Variants in ANKS1B observed in about 807,000 individuals in gnomAD.
The protein encoded by ANKS1B is ankyrin repeat and sterile alpha motif domain-containing protein 1B.
ANKS1B carries 36 observed loss-of-function variants against 148.3 expected under a neutral mutation model. The ratio of observed to expected loss-of-function variants is 0.24; its 90% CI spans 0.19 to 0.32. The LOEUF (loss-of-function observed/expected upper bound fraction) is 0.32. Ranked by LOEUF, ANKS1B falls within the 10% of genes least tolerant of loss-of-function variation. The pLI, the probability that ANKS1B is intolerant of heterozygous loss-of-function variation, is 1.00. For synonymous variants in ANKS1B, 542 were observed against 560.8 expected (o/e 0.97, Z 0.47); for missense variants, 1,157 against 1,542.6 (o/e 0.75, Z 4.19).
chr12:99,259,904 G>C (rs185676303), intron 12 of ANKS1B, among the ~76,000 whole-genome samples: 26 of 152,306 alleles, frequency 1.7e-4, no homozygotes, highest in Admixed American at 3.9e-4. Flanking sequence ...TCTGTGCTAG[G>C]AGTATTTCCC....
intron 17 of ANKS1B, among the ~76,000 whole-genome samples, chr12:98,940,949 C>T (rs2099835673): frequency 2.0e-5 from 3 of 152,070 alleles, no homozygotes; most frequent in Admixed American, 1.3e-4. Flanking sequence ...GGTATGATTC[C>T]TTTTTCTTTT....
intron 9 of ANKS1B, among the ~76,000 whole-genome samples, chr12:99,565,444 C>T (rs1176274899): frequency 6.6e-6 from 1 of 152,154 alleles, no homozygotes; most frequent in African/African-American, 2.4e-5. Context: ...ATAGACATCA[C>T]AGTTCTAATG....
intron 14 of ANKS1B, among the ~76,000 whole-genome samples, chr12:99,192,046 C>A (rs922426799): frequency 7.0e-6 from 1 of 142,266 alleles, no homozygotes; most frequent in African/African-American, 2.6e-5. Context: ...GCAGGAGAAT[C>A]GCTTGAATCC....
chr12:99,101,709 G>A (rs2057982321), intron 15 of ANKS1B, among the ~76,000 whole-genome samples: 1 of 152,108 alleles, frequency 6.6e-6, no homozygotes, highest in African/African-American at 2.4e-5. Context: ...TTATGGATGT[G>A]AGCCACCATG....
intron 1 of ANKS1B, among the ~76,000 whole-genome samples, chr12:99,979,521 T>TAA (rs1194140320): frequency 6.6e-6 from 1 of 152,048 alleles, no homozygotes. Flanking sequence ...CTTCAGGAGA[T>TAA]TACTGAAGGT....
chr12:99,757,346 G>A (rs918873345), intron 8 of ANKS1B, among the ~76,000 whole-genome samples: 3 of 152,006 alleles, frequency 2.0e-5, no homozygotes, highest in Admixed American at 2.0e-4. Context: ...TGAAAAAAAT[G>A]TGCAACATCA....
intron 8 of ANKS1B, among the ~76,000 whole-genome samples, chr12:99,767,731 T>G (rs750120342): frequency 2.6e-5 from 4 of 152,262 alleles, no homozygotes; most frequent in Middle Eastern, 3.4e-3. Context: ...AGATGCATAT[T>G]ATAAGAGTAT....
chr12:99,877,365 C>A (rs2092179619), intron 1 of ANKS1B, among the ~76,000 whole-genome samples: 1 of 152,150 alleles, frequency 6.6e-6, no homozygotes, highest in Non-Finnish European at 1.5e-5. Context: ...ATCAGATAAT[C>A]TATTTTTCCC....
chr12:99,083,875 C>A (rs1387826329), intron 16 of ANKS1B: 1 of 152,130 alleles, frequency 6.6e-6, no homozygotes, highest in Non-Finnish European at 1.5e-5. Flanking sequence ...CAGACGAGAT[C>A]GGGCACGTTC....
At chr12:99,706,837 T>C (rs759202775) in intron 8 of ANKS1B, among the ~76,000 whole-genome samples, 5 of 152,032 alleles carry the variant, frequency 3.3e-5, no homozygotes, top group Non-Finnish European at 5.9e-5. Context: ...TTGAAAGCAT[T>C]CAGCAAGGAA....
At chr12:98,784,273 A>AAG (rs2153527071) in intron 22 of ANKS1B, among the ~76,000 whole-genome samples, 1 of 152,320 alleles carries the variant, frequency 6.6e-6, no homozygotes, top group Non-Finnish European at 1.5e-5. Flanking sequence ...TGAACAAGAA[A>AAG]AGAGGGAAGG....
chr12:99,981,822 C>T (rs531209985), intron 1 of ANKS1B, among the ~76,000 whole-genome samples: 4 of 152,182 alleles, frequency 2.6e-5, no homozygotes, highest in African/African-American at 9.6e-5. Context: ...GGTAATAAAG[C>T]AAGCGGGGAA....
chr12:98,963,426 C>T (rs2099875254), intron 17 of ANKS1B, among the ~76,000 whole-genome samples: 1 of 152,140 alleles, frequency 6.6e-6, no homozygotes, highest in Non-Finnish European at 1.5e-5. Flanking sequence ...GAGCCACCTG[C>T]TATGGCCTCC....
chr12:98,834,082 TTGA>T (rs2099348112), intron 17 of ANKS1B, among the ~76,000 whole-genome samples: 1 of 152,210 alleles, frequency 6.6e-6, no homozygotes, highest in Non-Finnish European at 1.5e-5. Flanking sequence ...CCCATGTCTG[TTGA>T]TGATGAGGAG....
At chr12:99,270,149 A>G (rs532113121) in intron 12 of ANKS1B, among the ~76,000 whole-genome samples, 1 of 152,342 alleles carries the variant, frequency 6.6e-6, no homozygotes. Flanking sequence ...GGGTTCCAAG[A>G]CATAACTTTG....
At chr12:99,491,118 C>T (rs2096550853) in intron 10 of ANKS1B, among the ~76,000 whole-genome samples, 1 of 151,938 alleles carries the variant, frequency 6.6e-6, no homozygotes, top group South Asian at 2.1e-4. Flanking sequence ...GAGATGGAGA[C>T]CATAGTGAAA....
intron 24 of ANKS1B, among the ~76,000 whole-genome samples, chr12:98,779,154 C>A (rs537507284): frequency 2.4e-4 from 37 of 152,316 alleles, no homozygotes; most frequent in African/African-American, 8.9e-4. Context: ...ATAGAATTAT[C>A]TTTTGCATAT....
In ANKS1B at chr12:99,160,424, C is replaced by T. The variant is rs557143030; in HGVS notation, c.2420-6029G>A. Among the ~76,000 whole-genome samples, 89 of 151,636 alleles carry T rather than the reference C, an allele frequency of 5.9e-4. 1 individual carries two copies. The highest frequency in any genetic ancestry group is 2.3e-3 in the East Asian group (12 of 5,158). On this transcript the variant is annotated intron_variant, in intron 14 of 26. Coordinates refer to ENST00000683438, the MANE Select transcript of ANKS1B (RefSeq NM_001352186.2). ...TGCTATCTCAGCTCACTGCAATCTC[C>T]GCCTCCTGGGTTCATGCCATTCTCC...
At chr12:99,308,677 G>A (rs1301647925) in intron 12 of ANKS1B, among the ~76,000 whole-genome samples, 1 of 151,608 alleles carries the variant, frequency 6.6e-6, no homozygotes, top group Non-Finnish European at 1.5e-5. Flanking sequence ...ATATGATAAT[G>A]GTTTTATACT....
Sources: gnomAD v4.1 joint callset for allele counts (sites outside exome capture counted in the v4.1 genomes callset) on GRCh38, gnomAD v4.1.1 for gene constraint, MANE v1.5 for transcripts, NCBI Gene and HGNC (gene_info 2026-07-23, HGNC 2026-07-21) for gene names.